Variants in FOXJ3 observed in about 807,000 individuals in gnomAD.
The protein encoded by FOXJ3 is forkhead box J3, also known as forkhead box protein J3.
In FOXJ3, 22 loss-of-function variants were observed where a neutral mutation model predicts 76.1. That is an observed-to-expected ratio of 0.29 (90% CI 0.21 to 0.41). The LOEUF (loss-of-function observed/expected upper bound fraction) is 0.41. Among genes scored for constraint, FOXJ3 ranks in the 10% least tolerant of loss-of-function variants. FOXJ3 has a pLI of 1.00. For synonymous variants in FOXJ3, 269 were observed against 261.2 expected, an observed-to-expected ratio of 1.03 and a Z score of -0.29; for missense variants, 613 against 762.1, an observed-to-expected ratio of 0.80 and a Z score of 2.30.
chr1:42,270,736 G>C (rs1410662772), intron 3 of FOXJ3, among the ~76,000 whole-genome samples: 1 of 152,150 alleles, frequency 6.6e-6, no homozygotes, highest in Non-Finnish European at 1.5e-5. Context: ...CAGTTTATCT[G>C]CACTAGAATT....
At chr1:42,312,726 C>T (rs1244157819) in intron 1 of FOXJ3, among the ~76,000 whole-genome samples, 1 of 152,224 alleles carries the variant, frequency 6.6e-6, no homozygotes, top group East Asian at 1.9e-4. Context: ...TTATGCCAAG[C>T]ACTATGAATT....
chr1:42,243,069 A>C (rs982308660), intron 4 of FOXJ3, among the ~76,000 whole-genome samples: 2 of 152,234 alleles, frequency 1.3e-5, no homozygotes, highest in Non-Finnish European at 2.9e-5. Context: ...CATGTAGGTA[A>C]AAAATACTGT....
chr1:42,230,704 A>G (rs1464648283), intron 4 of FOXJ3, among the ~76,000 whole-genome samples: 1 of 152,172 alleles, frequency 6.6e-6, no homozygotes, highest in Non-Finnish European at 1.5e-5. Flanking sequence ...AGGATGCTCA[A>G]CCTGTATTGG....
At position 42,185,369 on chromosome 1, in the gene FOXJ3, T is replaced by TGCCTCA. The variant is rs1557617022; in HGVS notation, c.1646-3351_1646-3346dup. 2.0e-5 allele frequency among the ~76,000 whole-genome samples: 3 copies of TGCCTCA among 150,400 alleles called. 1 individual carries two copies. Among genetic ancestry groups the TGCCTCA allele is most frequent in the Admixed American group, 6.6e-5 (1 of 15,102 alleles). ...GCCTCCCTGGTTCATGCCATTCTCC[T>TGCCTCA]GCCTCAGCCTCCTGAGTAGCCGGGA... On this transcript the variant is annotated intron_variant, in intron 11 of 12. Coordinates refer to ENST00000361346, the MANE Select transcript of FOXJ3 (RefSeq NM_014947.5).
intron 5 of FOXJ3, among the ~76,000 whole-genome samples, chr1:42,222,717 A>AATAAAGAC (rs1330992432): frequency 5.3e-5 from 8 of 152,118 alleles, no homozygotes; most frequent in Non-Finnish European, 1.2e-4. Context: ...TCTTGTGTTT[A>AATAAAGAC]CTCCTACCTT....
intron 3 of FOXJ3, among the ~76,000 whole-genome samples, chr1:42,273,752 G>C (rs1437677418): frequency 1.3e-5 from 2 of 151,254 alleles, no homozygotes; most frequent in African/African-American, 4.9e-5. Flanking sequence ...GTACTCCCTA[G>C]GCTGAACCCA....
intron 2 of FOXJ3, among the ~76,000 whole-genome samples, chr1:42,292,860 G>A (rs1653531960): frequency 6.6e-6 from 1 of 152,172 alleles, no homozygotes; most frequent in Non-Finnish European, 1.5e-5. Context: ...CAGCACTTTG[G>A]GAGGCTAAGG....
rs773983089 is a variant in FOXJ3 at position 42,255,598 on chromosome 1, C to T, written c.444+9517G>A. Among the ~76,000 whole-genome samples, 30 of 152,098 alleles carry T rather than the reference C, an allele frequency of 2.0e-4. 1 individual carries two copies. The highest frequency in any genetic ancestry group is 8.3e-4 in the South Asian group (4 of 4,834). ...GGCCACATGTTGTTTACCAGAGAAA[C>T]GCTTTAAACACAAAGATGTTTACAA... On this transcript the variant is annotated intron_variant, in intron 4 of 12. Transcript: ENST00000361346.
intron 3 of FOXJ3, among the ~76,000 whole-genome samples, chr1:42,273,179 A>G (rs1651989186): frequency 6.6e-6 from 1 of 152,220 alleles, no homozygotes. Flanking sequence ...TCAACTATTT[A>G]TAGCACAGCA....
At chr1:42,324,089 C>CGGTATATACACAG (rs370060680) in intron 1 of FOXJ3, among the ~76,000 whole-genome samples, 1 of 50,844 alleles carries the variant, frequency 2.0e-5, no homozygotes, top group African/African-American at 7.9e-5. Context: ...AGTATATATA[C>CGGTATATACACAG]TGTATATATA....
intron 2 of FOXJ3, among the ~76,000 whole-genome samples, chr1:42,282,527 ATCATATGCT>A (rs1190493178): frequency 6.6e-6 from 1 of 152,160 alleles, no homozygotes; most frequent in Non-Finnish European, 1.5e-5. Context: ...GCATAGTTGA[ATCATATGCT>A]TAAGCTTTCT....
At chr1:42,251,264 G>T (rs1650024630) in intron 4 of FOXJ3, among the ~76,000 whole-genome samples, 1 of 152,096 alleles carries the variant, frequency 6.6e-6, no homozygotes, top group Admixed American at 6.5e-5. Flanking sequence ...ACTTTTCATA[G>T]AAAATAATGG....
At chr1:42,213,658 G>A (rs560476114) in intron 5 of FOXJ3, among the ~76,000 whole-genome samples, 31 of 152,200 alleles carry the variant, frequency 2.0e-4, no homozygotes, top group Non-Finnish European at 3.8e-4. Context: ...TTAAAGAACA[G>A]GAAATTCTGT....
intron 4 of FOXJ3, among the ~76,000 whole-genome samples, chr1:42,237,801 A>G (rs928386536): frequency 2.6e-5 from 4 of 151,898 alleles, no homozygotes; most frequent in South Asian, 4.2e-4. Context: ...AATTTTCTGT[A>G]TAAGTGTGTG....
Position 42,311,209 on chromosome 1 carries a change from A to T in FOXJ3, c.-17-99T>A, listed in dbSNP as rs879420647. On this transcript the variant is annotated intron_variant, in intron 1 of 12. Coordinates refer to ENST00000361346, the MANE Select transcript of FOXJ3 (RefSeq NM_014947.5). ...TTTAAAACACTCTGAAAACAGAAGT[A>T]GAATGTTCTACTAAAGAATTCTACT... The T allele has an allele frequency of 5.3e-6, 4 of 752,246 alleles. No homozygotes were observed. In the Admixed American group the frequency reaches 9.4e-5, roughly 18 times the overall value. The allele number at this position is 752,246 out of a possible 1,614,324, so 46.6% of individuals were successfully genotyped here.
At chr1:42,266,011 A>C (rs1651440832) in intron 3 of FOXJ3, among the ~76,000 whole-genome samples, 1 of 152,112 alleles carries the variant, frequency 6.6e-6, no homozygotes, top group South Asian at 2.1e-4. Context: ...ATGCTCCAAA[A>C]CCCATTCTCA....
intron 2 of FOXJ3, among the ~76,000 whole-genome samples, chr1:42,307,909 A>C (rs1163696626): frequency 6.6e-6 from 1 of 152,260 alleles, no homozygotes; most frequent in Admixed American, 6.5e-5. Flanking sequence ...TAACAGAGTC[A>C]GGTTAAACAA....
intron 4 of FOXJ3, among the ~76,000 whole-genome samples, chr1:42,255,540 G>A (rs1650516391): frequency 6.6e-6 from 1 of 152,182 alleles, no homozygotes; most frequent in African/African-American, 2.4e-5. Context: ...AGAAGGTGGA[G>A]ATCATCAGAC....
At chr1:42,310,910 G>T in intron 2 of FOXJ3, 140 bp downstream of exon 2, 1 of 539,042 alleles carries the variant, frequency 1.9e-6, no homozygotes, top group Non-Finnish European at 3.3e-6. Flanking sequence ...ATTCCATTCC[G>T]CCAAATTGCA....
Sources: allele counts gnomAD v4.1 joint callset (sites outside exome capture counted in the v4.1 genomes callset), GRCh38; gene constraint gnomAD v4.1.1; transcripts MANE v1.5; gene names NCBI Gene and HGNC (gene_info 2026-07-23, HGNC 2026-07-21).